PTPN14: variants seen among roughly 807,000 people sequenced by gnomAD.
PTPN14 encodes tyrosine-protein phosphatase non-receptor type 14.
PTPN14 carries 53 observed loss-of-function variants against 126.8 expected under a neutral mutation model. The observed-to-expected ratio is 0.42, with a 90% CI of 0.34 to 0.53. PTPN14 has a LOEUF of 0.53. Ranked by LOEUF, PTPN14 falls within the 20% of genes least tolerant of loss-of-function variation. PTPN14 has a pLI of 0.08. For missense variants in PTPN14, 1,257 were observed against 1,552.9 expected (o/e 0.81, Z 3.20); for synonymous variants, 630 against 599.3 (o/e 1.05, Z -0.75).
intron 1 of PTPN14, among the ~76,000 whole-genome samples, chr1:214,525,207 C>A (rs1343729004): frequency 6.6e-6 from 1 of 152,206 alleles, no homozygotes; most frequent in Non-Finnish European, 1.5e-5. Context: ...GGAGGTACAA[C>A]AGAATATGTA....
At chr1:214,386,790 T>C in intron 12 of PTPN14, 54 bp downstream of exon 12, 1 of 1,465,154 alleles carries the variant, frequency 6.8e-7, no homozygotes. Flanking sequence ...TCTTTACTGC[T>C]TACTGGTATT....
At chr1:214,460,604 C>T (rs1660489197) in intron 2 of PTPN14, among the ~76,000 whole-genome samples, 1 of 136,182 alleles carries the variant, frequency 7.3e-6, no homozygotes, top group Non-Finnish European at 1.5e-5. Flanking sequence ...CTAACACACA[C>T]ACACACATAC....
intron 2 of PTPN14, among the ~76,000 whole-genome samples, chr1:214,463,960 CAAAAA>C (rs1558114302): frequency 2.0e-5 from 3 of 152,122 alleles, no homozygotes; most frequent in Middle Eastern, 3.2e-3. Context: ...GCTTGGCTGT[CAAAAA>C]CAACATACTG....
rs911944907 is a variant in PTPN14, at chr1:214,464,690, C to T, written c.114G>A (p.Ser38=). Residue 38 remains serine (S), a synonymous_variant, in exon 2 of 19, where the codon TCG becomes TCA. Transcript: ENST00000366956. The part of the protein sequence containing the change: ...LDSNVIECTL[S]VESTGQECLE... ...GGCATTCTTGCCCTGTGCTTTCCAC[C>T]GACAGCGTGCACTCGATAACATTGC... The T allele has an allele frequency of 2.5e-5, 40 of 1,614,290 alleles. No homozygotes were observed. The highest frequency in any genetic ancestry group is 3.1e-5 in the Non-Finnish European group (36 of 1,180,056).
intron 5 of PTPN14, among the ~76,000 whole-genome samples, chr1:214,409,750 TTACTCCTCATGCTCAA>T (rs974092005): frequency 0.055 from 2,583 of 46,628 alleles, 83 homozygotes; most frequent in African/African-American, 0.16. Flanking sequence ...CAGTAAGACT[TTACTCCTCATGCTCAA>T]TACTCCTCAT....
intron 1 of PTPN14, among the ~76,000 whole-genome samples, chr1:214,471,758 C>G (rs183885035): frequency 6.6e-6 from 1 of 152,340 alleles, no homozygotes; most frequent in Admixed American, 6.5e-5. Context: ...GGTTATCCCA[C>G]AAACTCAGAC....
chr1:214,460,110 T>C (rs1660476315), intron 2 of PTPN14, among the ~76,000 whole-genome samples: 1 of 152,134 alleles, frequency 6.6e-6, no homozygotes, highest in Admixed American at 6.5e-5. Context: ...CCAGTGACTG[T>C]GGGCAGGTCA....
At chr1:214,430,049 T>C (rs1659763469) in intron 3 of PTPN14, among the ~76,000 whole-genome samples, 1 of 152,216 alleles carries the variant, frequency 6.6e-6, no homozygotes, top group African/African-American at 2.4e-5. Flanking sequence ...CCTTGAACTT[T>C]AAGAAATTCT....
At chr1:214,391,374 C>G (rs145830446) in intron 10 of PTPN14, among the ~76,000 whole-genome samples, 2 of 151,874 alleles carry the variant, frequency 1.3e-5, no homozygotes, top group East Asian at 3.9e-4. Context: ...AAAAATTGTA[C>G]TCTTTCTACT....
intron 1 of PTPN14, among the ~76,000 whole-genome samples, chr1:214,501,889 C>T (rs12061752): frequency 6.6e-6 from 1 of 151,876 alleles, no homozygotes; most frequent in Admixed American, 6.6e-5. Context: ...GAAACCCCGT[C>T]TCTATAAAAA....
intron 8 of PTPN14, among the ~76,000 whole-genome samples, chr1:214,397,658 A>G (rs911432840): frequency 2.6e-5 from 4 of 152,232 alleles, no homozygotes; most frequent in African/African-American, 9.6e-5. Context: ...AACCAGACTC[A>G]CGAAGTTTAG....
rs532939589 is a variant in PTPN14, at chr1:214,384,391, C to T, written c.1464G>A (p.Pro488=). ...TGTAGGGGTGCCTCTCCCGCATCTC[C>T]GGTTGGCTGTACACCAGATCCTCTG... is the stretch of plus-strand genomic sequence containing the variant. ...NQPEDLVYSQ[P]EMRERHPYTV... is the part of the protein sequence containing the mutation. The change falls in exon 13 of 19, where the codon CCG becomes CCA. Residue 488 remains proline (P), a synonymous_variant. Transcript: ENST00000366956. This position sits in a 1 kb window ranked among gnomAD's most constrained non-coding sequence, Gnocchi z 5.3. 161 of 1,614,140 alleles carry T rather than the reference C, an allele frequency of 1.0e-4. No homozygotes were observed. Among genetic ancestry groups the T allele is most frequent in the Non-Finnish European group, 1.0e-4 (123 of 1,180,044 alleles).
chr1:214,520,065 A>AAAAAAAAAAAAAATATATATATATAT, intron 1 of PTPN14, among the ~76,000 whole-genome samples: 6 of 71,100 alleles, frequency 8.4e-5, no homozygotes, highest in African/African-American at 4.4e-4. Context: ...AAAAAAAAAA[A>AAAAAAAAAAAAAATATATATATATAT]ATATATATAT....
chr1:214,394,719 G>C (rs1284813827), intron 9 of PTPN14, among the ~76,000 whole-genome samples, 180 bp downstream of exon 9: 3 of 152,268 alleles, frequency 2.0e-5, no homozygotes, highest in East Asian at 1.9e-4. Context: ...TTAAACATGG[G>C]TATTTCATCA....
At chr1:214,457,265 A>T (rs554812867) in intron 2 of PTPN14, among the ~76,000 whole-genome samples, 3 of 152,362 alleles carry the variant, frequency 2.0e-5, no homozygotes, top group Middle Eastern at 3.4e-3. Flanking sequence ...CAAAAGAAAA[A>T]GGGGATAAAT....
intron 3 of PTPN14, among the ~76,000 whole-genome samples, chr1:214,428,468 T>C (rs1659719293): frequency 6.6e-6 from 1 of 152,214 alleles, no homozygotes; most frequent in African/African-American, 2.4e-5. Flanking sequence ...AAACATTTTA[T>C]CTAATCATTT....
chr1:214,464,709 A>G lies in PTPN14; in HGVS notation c.95T>C (p.Val32Ala), dbSNP rs759490690. The G allele has an allele frequency of 1.2e-6, 2 of 1,614,286 alleles. No individual in the cohort carries two copies. The highest frequency in any genetic ancestry group is 1.7e-6 in the Non-Finnish European group (2 of 1,180,054). The change falls in exon 2 of 19, where the codon GTT (valine) becomes GCT (alanine). Residue 32 changes from valine to alanine, a missense_variant. By Grantham distance (64) the Val-to-Ala change is moderately conservative. Transcript: ENST00000366956. ...VTRIRLLDSN[V>A]IECTLSVEST... ...TTCCACCGACAGCGTGCACTCGATA[A>G]CATTGCTGTCCAGCAGGCGAATCCG... is the stretch of plus-strand genomic sequence containing the variant.
intron 2 of PTPN14, among the ~76,000 whole-genome samples, chr1:214,454,572 A>ACATACACACACTCCTGTG (rs1660340432): frequency 1.3e-5 from 2 of 152,138 alleles, no homozygotes; most frequent in Non-Finnish European, 1.5e-5. Context: ...CTACAGCTGC[A>ACATACACACACTCCTGTG]CATACACACA....
chr1:214,375,571 A>G (rs1658325727), intron 15 of PTPN14, among the ~76,000 whole-genome samples: 1 of 152,256 alleles, frequency 6.6e-6, no homozygotes, highest in Non-Finnish European at 1.5e-5. Context: ...CCATAAGTCA[A>G]AGTTTTAACT....
Sources: gnomAD v4.1 joint callset for allele counts (sites outside exome capture counted in the v4.1 genomes callset) on GRCh38, gnomAD v4.1.1 for gene constraint, Gnocchi (gnomAD v3.1) non-coding constraint, MANE v1.5 for transcripts, NCBI Gene and HGNC (gene_info 2026-07-23, HGNC 2026-07-21) for gene names.